Variants in PLSCR1 observed in about 807,000 individuals in gnomAD.
The protein encoded by PLSCR1 is phospholipid scramblase 1, also known as PL scramblase 1.
Under a neutral mutation model 37.8 loss-of-function variants are expected in PLSCR1, and 17 were observed. That is an observed-to-expected ratio of 0.45 (90% CI 0.31 to 0.68). The LOEUF is 0.68. PLSCR1 is among the 30% of genes least tolerant of loss of function. The pLI is 0.06. For synonymous variants in PLSCR1, 116 were observed against 125.9 expected (o/e 0.92, Z 0.53); for missense variants, 347 against 380.9 (o/e 0.91, Z 0.74).
At chr3:146,537,605 G>A (rs1369800466) in intron 1 of PLSCR1, among the ~76,000 whole-genome samples, 1 of 152,110 alleles carries the variant, frequency 6.6e-6, no homozygotes, top group Non-Finnish European at 1.5e-5. Flanking sequence ...CAGGGATGGT[G>A]GCTTATGCCT....
chr3:146,533,069 A>C (rs751248596), intron 3 of PLSCR1, among the ~76,000 whole-genome samples: 4 of 152,192 alleles, frequency 2.6e-5, no homozygotes, highest in Non-Finnish European at 4.4e-5. Context: ...TACATGACTC[A>C]GTTTATCAGA....
Position 146,517,101 on chromosome 3 carries a change from C to T in PLSCR1, c.805G>A (p.Glu269Lys), listed in dbSNP as rs1361062103. 6.2e-7 allele frequency: 1 copy of T among 1,601,206 alleles called. No individual in the cohort carries two copies. Among genetic ancestry groups the T allele is most frequent in the Non-Finnish European group, 8.5e-7 (1 of 1,172,702 alleles). The part of the protein sequence containing the change: ...ISKHWTGILR[E>K]AFTDADNFGI... ...AAGTTATCAGCGTCTGTAAATGCCT[C>T]TCTCAAAATTCCAGTCCAGTGCTTG... Residue 269 changes from glutamate to lysine, a missense_variant, in exon 8 of 9, where the codon GAG becomes AAG. Glu to Lys is a moderately conservative substitution (Grantham distance 56). Coordinates refer to ENST00000342435, the MANE Select transcript of PLSCR1 (RefSeq NM_021105.3).
intron 5 of PLSCR1, among the ~76,000 whole-genome samples, chr3:146,522,395 C>G (rs1051434180): frequency 3.3e-5 from 5 of 151,986 alleles, no homozygotes; most frequent in Admixed American, 6.6e-5. Context: ...CCCTACCCCC[C>G]ACCCTGTGCT....
At chr3:146,534,171 T>C (rs2044235795) in intron 2 of PLSCR1, among the ~76,000 whole-genome samples, 1 of 152,166 alleles carries the variant, frequency 6.6e-6, no homozygotes, top group South Asian at 2.1e-4. Context: ...AAACTTAATA[T>C]ATGCACAAAT....
chr3:146,533,381 T>TTA (rs1407306848), intron 3 of PLSCR1, 89 bp downstream of exon 3: 1 of 617,296 alleles, frequency 1.6e-6, no homozygotes, highest in African/African-American at 1.8e-5. Context: ...CACAATTCTC[T>TTA]CTCTCTCTTA....
At chr3:146,526,719 C>T (rs2044121182) in intron 4 of PLSCR1, among the ~76,000 whole-genome samples, 1 of 152,040 alleles carries the variant, frequency 6.6e-6, no homozygotes, top group Admixed American at 6.6e-5. Context: ...TGAATGAAAT[C>T]CTGTCATTGG....
chr3:146,525,408 A>T, intron 5 of PLSCR1, 197 bp downstream of exon 5: 1 of 512,652 alleles, frequency 2.0e-6, no homozygotes, highest in Non-Finnish European at 3.5e-6. Flanking sequence ...TCCCGAGGGC[A>T]GGTGCCCAAC....
intron 1 of PLSCR1, chr3:146,536,813 G>GCTTC: frequency 2.7e-6 from 1 of 375,288 alleles, no homozygotes; most frequent in Non-Finnish European, 5.0e-6. Flanking sequence ...AAGCCTTTTG[G>GCTTC]GAAGAGGGTC....
chr3:146,524,693 A>G (rs1483537900), intron 5 of PLSCR1, among the ~76,000 whole-genome samples: 5 of 152,080 alleles, frequency 3.3e-5, no homozygotes, highest in South Asian at 2.1e-4. Flanking sequence ...CTTTGTTTAG[A>G]TACACTAAAA....
chr3:146,517,211 T>C (rs746995946), intron 7 of PLSCR1, 44 bp from the exon 8 acceptor site: 14 of 1,123,712 alleles, frequency 1.2e-5, no homozygotes, highest in Admixed American at 5.4e-5. Flanking sequence ...AGGAAACTTA[T>C]AGCAAAAGTA....
At chr3:146,532,317 G>C (rs1234870366) in intron 3 of PLSCR1, among the ~76,000 whole-genome samples, 1 of 152,134 alleles carries the variant, frequency 6.6e-6, no homozygotes, top group Non-Finnish European at 1.5e-5. Context: ...TAAGAATTTA[G>C]AGCAGATGTT....
chr3:146,527,767 A>G (rs895734061), intron 4 of PLSCR1, among the ~76,000 whole-genome samples: 7 of 152,352 alleles, frequency 4.6e-5, no homozygotes, highest in African/African-American at 1.7e-4. Flanking sequence ...AGAGAGTGCA[A>G]GAAAGAAATG....
chr3:146,541,776 G>A (rs2609862), intron 1 of PLSCR1, among the ~76,000 whole-genome samples: 33,595 of 152,128 alleles, frequency 0.22, 4,079 homozygotes, highest in Non-Finnish European at 0.25. Flanking sequence ...AGTGTTGGGA[G>A]GTGGAGCCTA....
At chr3:146,531,715 C>T (rs1384329166) in intron 3 of PLSCR1, among the ~76,000 whole-genome samples, 1 of 152,188 alleles carries the variant, frequency 6.6e-6, no homozygotes, top group East Asian at 1.9e-4. Flanking sequence ...CATATACTCT[C>T]ATTTACTCTA....
At chr3:146,519,602 C>T (rs1364504441) in intron 7 of PLSCR1, among the ~76,000 whole-genome samples, 1 of 152,046 alleles carries the variant, frequency 6.6e-6, no homozygotes, top group East Asian at 1.9e-4. Flanking sequence ...GCTGAAAACT[C>T]TCCATTCTTT....
intron 3 of PLSCR1, among the ~76,000 whole-genome samples, chr3:146,533,065 A>C (rs1156929528): frequency 6.6e-6 from 1 of 152,162 alleles, no homozygotes; most frequent in Non-Finnish European, 1.5e-5. Flanking sequence ...CTACTACATG[A>C]CTCAGTTTAT....
intron 7 of PLSCR1, chr3:146,520,021 A>C (rs2043997920): frequency 6.6e-6 from 1 of 152,070 alleles, no homozygotes; most frequent in Non-Finnish European, 1.5e-5. Flanking sequence ...TCAAGTTTCC[A>C]TGCCCAGTGA....
At chr3:146,522,821 T>C (rs1306189269) in intron 5 of PLSCR1, among the ~76,000 whole-genome samples, 1 of 152,194 alleles carries the variant, frequency 6.6e-6, no homozygotes. Context: ...TTCCATCTAC[T>C]GAGATAGGGG....
At chr3:146,539,356 A>G (rs1487297008) in intron 1 of PLSCR1, among the ~76,000 whole-genome samples, 1 of 152,236 alleles carries the variant, frequency 6.6e-6, no homozygotes, top group Non-Finnish European at 1.5e-5. Context: ...AGCTGTCAAT[A>G]CAGATGAAAC....
Sources: gnomAD v4.1 joint callset for allele counts (sites outside exome capture counted in the v4.1 genomes callset) on GRCh38, gnomAD v4.1.1 for gene constraint, MANE v1.5 for transcripts, NCBI Gene and HGNC (gene_info 2026-07-23, HGNC 2026-07-21) for gene names.